Variants in TUBGCP2 observed in about 807,000 individuals in gnomAD.
TUBGCP2 encodes the protein tubulin gamma complex component 2, also known as gamma-tubulin complex component 2.
TUBGCP2 carries 55 observed loss-of-function variants against 92.2 expected under a neutral mutation model. The ratio of observed to expected loss-of-function variants is 0.60; its 90% CI spans 0.48 to 0.75. The LOEUF (loss-of-function observed/expected upper bound fraction) is 0.75. Among genes scored for constraint, TUBGCP2 ranks in the 30% least tolerant of loss-of-function variants. The probability of loss-of-function intolerance (pLI) is 0.00; values close to 1 mark genes in which losing one functional copy is unlikely to be tolerated. For synonymous variants in TUBGCP2, 533 were observed against 505.2 expected, an observed-to-expected ratio of 1.06 and a Z score of -0.74; for missense variants, 1,093 against 1,188.9, an observed-to-expected ratio of 0.92 and a Z score of 1.19.
intron 14 of TUBGCP2, 71 bp from the exon 15 acceptor site, chr10:133,283,292 T>C (rs1355613868): frequency 6.2e-7 from 1 of 1,601,494 alleles, no homozygotes; most frequent in Admixed American, 1.7e-5. Flanking sequence ...GCGCACGTGC[T>C]CAGTTCTGGC....
rs548413062 is a variant in TUBGCP2 at position 133,302,887 on chromosome 10, C to T, written c.55G>A (p.Val19Ile). ...DVNELLSLLRVHGGDGAEVYI... is the reference protein window; with the variant it reads ...DVNELLSLLRIHGGDGAEVYI... ...ACCTCAGCCCCATCTCCTCCGTGGACACGCAGCAGGCTAAGCAGTTCATTG... is the reference window on the plus strand; with the variant it reads ...ACCTCAGCCCCATCTCCTCCGTGGATACGCAGCAGGCTAAGCAGTTCATTG... The change falls in exon 2 of 18, where the codon GTC (valine) becomes ATC (isoleucine). Residue 19 changes from valine (V) to isoleucine (I), a missense_variant. Val to Ile is a conservative substitution (Grantham distance 29). Coordinates refer to ENST00000252936, the MANE Select transcript of TUBGCP2 (RefSeq NM_006659.4). The T allele has an allele frequency of 2.0e-5, 33 of 1,614,074 alleles. No homozygotes were observed. In the South Asian group the frequency reaches 2.6e-4, roughly 13 times the overall value.
rs775432940 is a variant in TUBGCP2 at position 133,285,524 on chromosome 10, C to T, written c.1827G>A (p.Ala609=). 10 of 1,604,178 alleles carry T rather than the reference C, an allele frequency of 6.2e-6. No homozygotes were observed. Among genetic ancestry groups the T allele is most frequent in the Middle Eastern group, 3.3e-4 (2 of 6,044 alleles). The change falls in exon 12 of 18, where the codon GCG becomes GCA. Residue 609 remains alanine (A), a synonymous_variant. Coordinates refer to ENST00000252936, the MANE Select transcript of TUBGCP2 (RefSeq NM_006659.4). The surrounding 1 kb of genome is among the most constrained non-coding windows in gnomAD (Gnocchi z 6.8). Reference sequence around the variant, plus strand: ...AAGAGAAGGCCTCCAGGCCGCTCAGCGCCAGCTCCGTGGGGTCGGCGTGCG... The same window carrying T: ...AAGAGAAGGCCTCCAGGCCGCTCAGTGCCAGCTCCGTGGGGTCGGCGTGCG... ...AMAHADPTEL[A]LSGLEAFSFD... is the part of the protein sequence containing the mutation.
upstream of TUBGCP2, among the ~76,000 whole-genome samples, chr10:133,311,340 G>A (rs1296161881): frequency 1.3e-5 from 2 of 152,162 alleles, no homozygotes; most frequent in Non-Finnish European, 2.9e-5. Context: ...GAAAAACCGT[G>A]CAATGCTGGA....
Position 133,308,840 on chromosome 10 carries a change from A to C in TUBGCP2, c.-57T>G. ...GGACTCACCGCAGTCCCGGAGCCACAGCCCCCGCGCAGCCCCCGACGGCGG... is the reference window on the plus strand; with the variant it reads ...GGACTCACCGCAGTCCCGGAGCCACCGCCCCCGCGCAGCCCCCGACGGCGG... On this transcript the variant is annotated 5_prime_UTR_variant, in exon 1 of 18. Transcript: ENST00000252936. The C allele has an allele frequency of 9.8e-7, 1 of 1,015,876 alleles. No individual in the cohort carries two copies. The highest frequency in any genetic ancestry group is 1.2e-6 in the Non-Finnish European group (1 of 803,400). The allele number at this position is 1,015,876 out of a possible 1,614,324, so 62.9% of individuals were successfully genotyped here. A position where few individuals can be genotyped will look rare whatever the true frequency, so the allele number is the denominator to read the frequency against.
chr10:133,310,127 C>G (rs1450872805), upstream of TUBGCP2: 1 of 1,612,690 alleles, frequency 6.2e-7, no homozygotes. Flanking sequence ...GGGGGAGGGC[C>G]AGGGGTCAGA....
chr10:133,296,368 C>T (rs1847487610), intron 5 of TUBGCP2, among the ~76,000 whole-genome samples: 1 of 152,192 alleles, frequency 6.6e-6, no homozygotes, highest in African/African-American at 2.4e-5. Flanking sequence ...CCCACCACTC[C>T]CCGGCTGCCT....
At chr10:133,290,069 C>T in intron 8 of TUBGCP2, 100 bp from the exon 9 acceptor site, 1 of 1,479,454 alleles carries the variant, frequency 6.8e-7, no homozygotes, top group Non-Finnish European at 9.3e-7. Flanking sequence ...TTAACAGAGG[C>T]CAGCACACTT....
intron 4 of TUBGCP2, 73 bp from the exon 5 acceptor site, chr10:133,298,184 T>C (rs563135710): frequency 7.8e-5 from 117 of 1,495,040 alleles, no homozygotes; most frequent in Non-Finnish European, 9.5e-5. Context: ...AAGACATGCA[T>C]AGAAGCTAGC....
upstream of TUBGCP2, chr10:133,309,088 T>A (rs574715352): frequency 4.6e-6 from 6 of 1,312,820 alleles, no homozygotes; most frequent in South Asian, 1.6e-4. Flanking sequence ...GGAGCACCAG[T>A]TCTTCGAGGT....
At chr10:133,280,053 G>C in intron 17 of TUBGCP2, 152 bp from the exon 18 acceptor site, 1 of 1,290,674 alleles carries the variant, frequency 7.7e-7, no homozygotes, top group Admixed American at 2.7e-5. Flanking sequence ...GTGGAGCTGG[G>C]GCACACACTC....
chr10:133,304,161 T>C (rs1186475308), intron 1 of TUBGCP2, among the ~76,000 whole-genome samples: 1 of 152,112 alleles, frequency 6.6e-6, no homozygotes, highest in Non-Finnish European at 1.5e-5. Flanking sequence ...TGAGACTCTG[T>C]CTCTACAAAA....
chr10:133,301,835 C>T (rs755402285), intron 2 of TUBGCP2: 3 of 151,582 alleles, frequency 2.0e-5, no homozygotes, highest in Non-Finnish European at 2.9e-5. Flanking sequence ...CTGCCTCAGC[C>T]CCCCGAGTAG....
chr10:133,309,203 G>A, upstream of TUBGCP2: 1 of 1,375,458 alleles, frequency 7.3e-7, no homozygotes, highest in Non-Finnish European at 9.6e-7. Flanking sequence ...TGCGGGGCGG[G>A]GCCGGAGCCT....
intron 4 of TUBGCP2, among the ~76,000 whole-genome samples, chr10:133,298,541 T>C (rs1054609296): frequency 2.0e-5 from 3 of 152,250 alleles, no homozygotes; most frequent in East Asian, 3.8e-4. Flanking sequence ...ACATGCATCC[T>C]TACCCTGCCG....
At chr10:133,283,342 G>C in intron 14 of TUBGCP2, 121 bp from the exon 15 acceptor site, 1 of 1,396,902 alleles carries the variant, frequency 7.2e-7, no homozygotes, top group Non-Finnish European at 9.7e-7. Context: ...CTCTTAAATG[G>C]GCCTTGGGCT....
intron 1 of TUBGCP2, among the ~76,000 whole-genome samples, chr10:133,305,487 C>T (rs954325064): frequency 2.6e-5 from 4 of 152,070 alleles, no homozygotes; most frequent in African/African-American, 9.7e-5. Flanking sequence ...AGTGGTTCCC[C>T]GGGCCCGCTG....
rs556802614 is a variant in TUBGCP2 at position 133,293,976 on chromosome 10, G to A, written c.617-207C>T. The stretch of plus-strand genomic sequence containing the variant: ...GCAGGACGGGGCCGGCCTGGGAGGC[G>A]TGGTGGCTGGTGTCAAGATCTCACC... On this transcript the variant is annotated intron_variant, in intron 5 of 17. Coordinates refer to ENST00000252936, the MANE Select transcript of TUBGCP2 (RefSeq NM_006659.4). 4.6e-5 allele frequency among the ~76,000 whole-genome samples: 7 copies of A among 152,356 alleles called. No individual in the cohort carries two copies. The South Asian group carries it at 1.2e-3, about 27-fold the overall frequency.
At chr10:133,295,508 ACACCTGCGATGT>A (rs1193523455) in intron 5 of TUBGCP2, 1 of 152,262 alleles carries the variant, frequency 6.6e-6, no homozygotes. Flanking sequence ...TGTCATCTCA[ACACCTGCGATGT>A]CACCTGCAAA....
At chr10:133,291,032 C>G (rs1847273653) in intron 8 of TUBGCP2, 1 of 202,306 alleles carries the variant, frequency 4.9e-6, no homozygotes, top group African/African-American at 2.4e-5. Flanking sequence ...CAGACCCCAC[C>G]AGATCAGGAA....
Sources: allele counts gnomAD v4.1 joint callset (sites outside exome capture counted in the v4.1 genomes callset), GRCh38; gene constraint gnomAD v4.1.1; non-coding constraint Gnocchi (gnomAD v3.1); transcripts MANE v1.5; gene names NCBI Gene and HGNC (gene_info 2026-07-23, HGNC 2026-07-21).